The following RBFOX3 variants were observed in gnomAD, a reference collection of about 807,000 sequenced individuals.
RBFOX3 encodes RNA binding fox-1 homolog 3, also known as RNA binding protein fox-1 homolog 3.
In RBFOX3, 17 loss-of-function variants were observed where a neutral mutation model predicts 48.7. The ratio of observed to expected loss-of-function variants is 0.35; its 90% confidence interval spans 0.24 to 0.52. The LOEUF is 0.52. Among genes scored for constraint, RBFOX3 ranks in the 20% least tolerant of loss-of-function variants. The pLI is 0.94. For missense variants in RBFOX3, 382 were observed against 497.5 expected, an observed-to-expected ratio of 0.77 and a Z score of 2.21; for synonymous variants, 212 against 209.5, an observed-to-expected ratio of 1.01 and a Z score of -0.10.
chr17:79,657,550 G>T, the RBFOX3 span, among the ~76,000 whole-genome samples: 1 of 152,216 alleles, frequency 6.6e-6, no homozygotes, highest in Non-Finnish European at 1.5e-5. Flanking sequence ...ATGGTGGCAG[G>T]CAACTGTAGT....
chr17:79,413,521 T>C (rs4790026), intron 2 of RBFOX3, among the ~76,000 whole-genome samples: 152,119 of 152,372 alleles, frequency 1, 75,934 homozygotes, highest in Middle Eastern at 1. Flanking sequence ...CCCAGGAGGC[T>C]CAGGCCGTGA....
At chr17:79,336,414 AAAT>A (rs1374945108) in intron 2 of RBFOX3, among the ~76,000 whole-genome samples, 4 of 89,858 alleles carry the variant, frequency 4.5e-5, no homozygotes, top group African/African-American at 1.7e-4. Flanking sequence ...ATAAATAAAT[AAAT>A]AAAATAAATT....
chr17:79,619,163 A>G, the RBFOX3 span, among the ~76,000 whole-genome samples: 2 of 152,148 alleles, frequency 1.3e-5, no homozygotes. Context: ...GCTCTTTAGC[A>G]CTCCAGGAGG....
At chr17:79,219,904 A>T (rs891692756) in intron 4 of RBFOX3, among the ~76,000 whole-genome samples, 1 of 150,918 alleles carries the variant, frequency 6.6e-6, no homozygotes, top group African/African-American at 2.5e-5. Context: ...GCCGGGTATT[A>T]CTGGAGGCTG....
In RBFOX3 at chr17:79,096,614, G is replaced by A. The variant is rs1408814707; in HGVS notation, c.936+39C>T. On this transcript the variant is annotated intron_variant, in intron 12 of 14. Transcript: ENST00000693108. ...GACTTCTCATTGAGACCCACAGAAC[G>A]CCTGATCCCACCCTCCCTCCCGGCG... The A allele has an allele frequency of 7.3e-6, 11 of 1,504,338 alleles. No individual in the cohort carries two copies. In the South Asian group the frequency reaches 8.4e-5, roughly 12 times the overall value. 93.2% of individuals were successfully genotyped at this position (1,504,338 alleles called of 1,614,324 possible).
intron 2 of RBFOX3, among the ~76,000 whole-genome samples, chr17:79,404,252 G>C (rs1032301108): frequency 6.6e-6 from 1 of 152,244 alleles, no homozygotes; most frequent in Non-Finnish European, 1.5e-5. Context: ...GGCGTGGGCA[G>C]GGCCACAGCG....
In RBFOX3 at chr17:79,273,758, C is replaced by T. The variant is rs117273889; in HGVS notation, c.-74+33966G>A. ...GTGGCCAGGTGCCAGGAGCTGGCTT[C>T]AGTGCAAAAACAGTTAAAGTCCGAG... On this transcript the variant is annotated intron_variant, in intron 3 of 14. Transcript: ENST00000693108. 6.5e-3 allele frequency among the ~76,000 whole-genome samples: 988 copies of T among 152,254 alleles called. 7 individuals are homozygous for T. Among genetic ancestry groups the T allele is most frequent in the Non-Finnish European group, 8.7e-3 (593 of 68,000 alleles).
chr17:79,199,945 G>C lies in RBFOX3; in HGVS notation c.-34+35821C>G, dbSNP rs1188603464. 2.0e-5 allele frequency among the ~76,000 whole-genome samples: 3 copies of C among 152,148 alleles called. No individual in the cohort carries two copies. The highest frequency in any genetic ancestry group is 4.4e-5 in the Non-Finnish European group (3 of 68,016). On this transcript the variant is annotated intron_variant, in intron 4 of 14. Transcript: ENST00000693108. The surrounding 1 kb of genome is among the most constrained non-coding windows in gnomAD (Gnocchi z 5.1). ...GGAGGCCGAGGTGGGTGGATCACCT[G>C]AAGTCAGGAGTTCAAGACCAGCCTG... is the stretch of plus-strand genomic sequence containing the variant.
chr17:79,139,464 T>G (rs1251761945), intron 4 of RBFOX3, among the ~76,000 whole-genome samples: 2 of 152,258 alleles, frequency 1.3e-5, no homozygotes, highest in Non-Finnish European at 2.9e-5. Context: ...GAAGGACGAT[T>G]TACACCTTCT....
rs540948188 is a variant in RBFOX3, at chr17:79,390,295, T to G, written c.-174-82471A>C. On this transcript the variant is annotated intron_variant, in intron 2 of 14. Transcript: ENST00000693108. The surrounding 1 kb of genome is among the most constrained non-coding windows in gnomAD (Gnocchi z 4.2). ...ATCCTTTAGCTGGCAGACACCAGCATCCCGGGGGGACTTCTTAGACTCCAC... is the reference window on the plus strand; with the variant it reads ...ATCCTTTAGCTGGCAGACACCAGCAGCCCGGGGGGACTTCTTAGACTCCAC... Among the ~76,000 whole-genome samples, 51 of 152,308 alleles carry G rather than the reference T, an allele frequency of 3.3e-4. No homozygotes were observed. The highest frequency in any genetic ancestry group is 1.0e-3 in the South Asian group (5 of 4,826).
At chr17:79,548,808 G>A (rs928903933) in intron 1 of RBFOX3, among the ~76,000 whole-genome samples, 26 of 152,142 alleles carry the variant, frequency 1.7e-4, no homozygotes, top group Admixed American at 9.8e-4. Flanking sequence ...ACAAGTGCTC[G>A]AAAAATACCT....
At chr17:79,353,903 C>G (rs544454943) in intron 2 of RBFOX3, among the ~76,000 whole-genome samples, 24 of 152,202 alleles carry the variant, frequency 1.6e-4, no homozygotes, top group Non-Finnish European at 4.4e-5. Flanking sequence ...GTCCCACCCC[C>G]GCGTTACCCA....
At chr17:79,094,677 G>T (rs952516396) in intron 13 of RBFOX3, 148 bp from the exon 14 acceptor site, 20 of 502,244 alleles carry the variant, frequency 4.0e-5, no homozygotes, top group African/African-American at 3.7e-4. Flanking sequence ...CTCCTGCAAG[G>T]CCTGCAAGGC....
intron 2 of RBFOX3, among the ~76,000 whole-genome samples, chr17:79,426,597 T>G (rs8076227): frequency 0.49 from 73,950 of 152,018 alleles, 18,380 homozygotes; most frequent in East Asian, 0.61. Flanking sequence ...CCCCAGAACT[T>G]CCCTAGCCCA....
chr17:79,120,759 TAGA>T, intron 4 of RBFOX3, among the ~76,000 whole-genome samples: 1 of 151,544 alleles, frequency 6.6e-6, no homozygotes, highest in Non-Finnish European at 1.5e-5. Flanking sequence ...GATAAATGGA[TAGA>T]TGGGTGGATG....
chr17:79,466,477 C>T (rs959405333), intron 2 of RBFOX3, among the ~76,000 whole-genome samples: 5 of 152,284 alleles, frequency 3.3e-5, no homozygotes, highest in Admixed American at 2.6e-4. Flanking sequence ...AGAGCCCCTG[C>T]CCTCCCCAAG....
rs912539896 is a variant in RBFOX3, at chr17:79,467,885, C to T, written c.-175+14569G>A. 1.2e-3 allele frequency among the ~76,000 whole-genome samples: 185 copies of T among 152,132 alleles called. 1 individual carries two copies. The highest frequency in any genetic ancestry group is 3.4e-3 in the Middle Eastern group (1 of 294). On this transcript the variant is annotated intron_variant, in intron 2 of 14. Transcript: ENST00000693108. ...CTCCTCTGCTTGCCCCCTCCCACCACGCCCTCTGACCCTCTGATTTCTCTG... is the reference window on the plus strand; with the variant it reads ...CTCCTCTGCTTGCCCCCTCCCACCATGCCCTCTGACCCTCTGATTTCTCTG...
At chr17:79,213,888 T>C (rs1282591470) in intron 4 of RBFOX3, among the ~76,000 whole-genome samples, 2 of 152,194 alleles carry the variant, frequency 1.3e-5, no homozygotes, top group Non-Finnish European at 2.9e-5. Context: ...TCCTCAGCCA[T>C]TCTGTACTGG....
At chr17:79,202,475 C>T (rs1470913791) in intron 4 of RBFOX3, among the ~76,000 whole-genome samples, 5 of 152,168 alleles carry the variant, frequency 3.3e-5, no homozygotes, top group Admixed American at 6.5e-5. Flanking sequence ...CTTATATAAG[C>T]GCAGAGCCAT....
Sources: allele counts gnomAD v4.1 joint callset (sites outside exome capture counted in the v4.1 genomes callset), GRCh38; gene constraint gnomAD v4.1.1; non-coding constraint Gnocchi (gnomAD v3.1); transcripts MANE v1.5; gene names NCBI Gene and HGNC (gene_info 2026-07-23, HGNC 2026-07-21).